Variants in MAGI2 observed in about 807,000 individuals in gnomAD.
MAGI2 encodes membrane-associated guanylate kinase, WW and PDZ domain-containing protein 2.
In MAGI2, 35 loss-of-function variants were observed where a neutral mutation model predicts 133.3. The ratio of observed to expected loss-of-function variants is 0.26; its 90% CI spans 0.20 to 0.35. MAGI2 has a LOEUF of 0.35. Among genes scored for constraint, MAGI2 ranks in the 10% least tolerant of loss-of-function variants. MAGI2 has a pLI of 1.00. For synonymous variants in MAGI2, 729 were observed against 710.6 expected, an observed-to-expected ratio of 1.03 and a Z score of -0.41; for missense variants, 1,636 against 1,863.4, an observed-to-expected ratio of 0.88 and a Z score of 2.25.
chr7:78,649,816 T>G (rs322007), intron 2 of MAGI2, among the ~76,000 whole-genome samples: 1 of 152,036 alleles, frequency 6.6e-6, no homozygotes, highest in Non-Finnish European at 1.5e-5. Context: ...CTCACTCGTC[T>G]GAACAGTCCT....
intron 2 of MAGI2, among the ~76,000 whole-genome samples, chr7:78,857,847 C>T (rs915359222): frequency 5.9e-5 from 9 of 152,130 alleles, no homozygotes; most frequent in Non-Finnish European, 2.9e-5. Flanking sequence ...CCTCTTTGTA[C>T]CTCTGGTAGA....
intron 6 of MAGI2, among the ~76,000 whole-genome samples, chr7:78,406,176 G>A (rs2151361661): frequency 6.6e-6 from 1 of 152,064 alleles, no homozygotes. Flanking sequence ...AAAAAATTGA[G>A]ACCCTCCAAA....
intron 6 of MAGI2, among the ~76,000 whole-genome samples, chr7:78,380,868 T>C (rs1794861552): frequency 6.6e-6 from 1 of 152,182 alleles, no homozygotes; most frequent in African/African-American, 2.4e-5. Context: ...GCACACACTG[T>C]GTATCCACAA....
intron 6 of MAGI2, among the ~76,000 whole-genome samples, chr7:78,468,583 C>T (rs866520148): frequency 6.6e-6 from 1 of 151,990 alleles, no homozygotes; most frequent in Non-Finnish European, 1.5e-5. Flanking sequence ...AACTATATTG[C>T]ACAATTAGAA....
At chr7:78,307,772 T>C (rs1798361526) in intron 9 of MAGI2, among the ~76,000 whole-genome samples, 1 of 152,170 alleles carries the variant, frequency 6.6e-6, no homozygotes. Flanking sequence ...TGGGAATTAA[T>C]TGTACTATTT....
intron 6 of MAGI2, among the ~76,000 whole-genome samples, chr7:78,380,068 G>A (rs1794781589): frequency 6.6e-6 from 1 of 151,232 alleles, no homozygotes; most frequent in African/African-American, 2.4e-5. Context: ...ATACACATAG[G>A]AGAATGGAAA....
intron 6 of MAGI2, among the ~76,000 whole-genome samples, chr7:78,432,172 C>T (rs1799854703): frequency 6.6e-6 from 1 of 150,402 alleles, no homozygotes; most frequent in East Asian, 1.9e-4. Flanking sequence ...GCTAAACATT[C>T]TGTACATTAG....
At chr7:78,925,811 A>G (rs1208319661) in intron 2 of MAGI2, among the ~76,000 whole-genome samples, 1 of 152,032 alleles carries the variant, frequency 6.6e-6, no homozygotes, top group Non-Finnish European at 1.5e-5. Context: ...TTAATAATGC[A>G]TCAGTTTTAA....
chr7:79,379,368 G>A (rs28789451), intron 1 of MAGI2, among the ~76,000 whole-genome samples: 3,209 of 151,810 alleles, frequency 0.021, 98 homozygotes, highest in African/African-American at 0.075. Flanking sequence ...TCATTGATGG[G>A]CATTTGGGTT....
At chr7:78,317,255 C>A (rs974417998) in intron 9 of MAGI2, among the ~76,000 whole-genome samples, 6 of 152,146 alleles carry the variant, frequency 3.9e-5, no homozygotes, top group Non-Finnish European at 2.9e-5. Flanking sequence ...CTTTTTCTCA[C>A]CCTCTTCTGA....
intron 6 of MAGI2, among the ~76,000 whole-genome samples, chr7:78,450,813 T>C (rs982659107): frequency 1.3e-5 from 2 of 152,110 alleles, no homozygotes. Flanking sequence ...GTTTGTTTTC[T>C]AGCATGGGCA....
chr7:78,533,324 G>T (rs1797620556), intron 3 of MAGI2, among the ~76,000 whole-genome samples: 2 of 152,164 alleles, frequency 1.3e-5, no homozygotes, highest in Admixed American at 6.5e-5. Flanking sequence ...AGTAGGGAAA[G>T]AAATGTGTGG....
chr7:78,050,891 A>C (rs55840901), intron 21 of MAGI2, among the ~76,000 whole-genome samples: 1 of 151,944 alleles, frequency 6.6e-6, no homozygotes, highest in Non-Finnish European at 1.5e-5. Context: ...ACTATCACTA[A>C]CTCAGCAGCA....
intron 1 of MAGI2, among the ~76,000 whole-genome samples, chr7:79,065,893 TC>T (rs2117108456): frequency 6.6e-6 from 1 of 152,324 alleles, no homozygotes; most frequent in South Asian, 2.1e-4. Flanking sequence ...CAAGAACTCA[TC>T]CTTTTTTATG....
In MAGI2 at chr7:79,431,033, G is replaced by C. The variant is rs138314980; in HGVS notation, c.301+21987C>G. ...TCTTTCCCTTTCTATATTTGCTTTT[G>C]CCAAACTTCACTCAGGCTGGAAATA... is the stretch of plus-strand genomic sequence containing the variant. On this transcript the variant is annotated intron_variant, in intron 1 of 21. Transcript: ENST00000354212. 3.1e-3 allele frequency among the ~76,000 whole-genome samples: 474 copies of C among 152,210 alleles called. 5 individuals are homozygous for C. Among genetic ancestry groups the C allele is most frequent in the African/African-American group, 0.01 (424 of 41,530 alleles).
At chr7:78,727,430 A>G (rs564753148) in intron 2 of MAGI2, among the ~76,000 whole-genome samples, 1 of 152,350 alleles carries the variant, frequency 6.6e-6, no homozygotes, top group South Asian at 2.1e-4. Flanking sequence ...TACAAAATGT[A>G]ATATGATCCT....
intron 2 of MAGI2, among the ~76,000 whole-genome samples, chr7:78,655,708 G>A (rs541535126): frequency 6.6e-5 from 10 of 152,144 alleles, no homozygotes; most frequent in African/African-American, 2.2e-4. Context: ...TTGGCCGGGC[G>A]CAGTGGCTCA....
chr7:78,488,335 G>A (rs1051183328), intron 6 of MAGI2, among the ~76,000 whole-genome samples: 3 of 151,988 alleles, frequency 2.0e-5, no homozygotes, highest in Admixed American at 2.0e-4. Context: ...TCTCTCTCAG[G>A]ATTTTAAAAT....
chr7:78,213,844 A>T (rs1788008191), intron 10 of MAGI2, among the ~76,000 whole-genome samples: 1 of 152,126 alleles, frequency 6.6e-6, no homozygotes, highest in Non-Finnish European at 1.5e-5. Context: ...AACTCTGTCA[A>T]ATTTAATCTA....
Sources: allele counts gnomAD v4.1 joint callset (sites outside exome capture counted in the v4.1 genomes callset), GRCh38; gene constraint gnomAD v4.1.1; transcripts MANE v1.5; gene names NCBI Gene and HGNC (gene_info 2026-07-23, HGNC 2026-07-21).